LGI3: variants seen among roughly 807,000 people sequenced by gnomAD.
LGI3 encodes leucine-rich repeat LGI family member 3.
LGI3 carries 47 observed loss-of-function variants against 55.4 expected under a neutral mutation model. That is an observed-to-expected ratio of 0.85 (90% confidence interval 0.67 to 1.08). The LOEUF is 1.08. LGI3 is among the 50% of genes least tolerant of loss of function. The pLI is 0.00. For missense variants in LGI3, 664 were observed against 726.3 expected (o/e 0.91, Z 0.99); for synonymous variants, 326 against 315.0 (o/e 1.04, Z -0.37).
intron 2 of LGI3, 150 bp downstream of exon 2, chr8:22,155,242 G>A (rs1245497637): frequency 1.4e-6 from 1 of 737,344 alleles, no homozygotes; most frequent in African/African-American, 1.8e-5. Context: ...CCCGTCTTTT[G>A]GGTACATCCT....
intron 2 of LGI3, 108 bp from the exon 3 acceptor site, chr8:22,154,739 C>T (rs1034245210): frequency 1.2e-6 from 1 of 845,108 alleles, no homozygotes; most frequent in African/African-American, 1.7e-5. Flanking sequence ...TGCCCTGCTG[C>T]TACCCCTGGG....
chr8:22,152,927 G>C (rs1392151563), intron 5 of LGI3, among the ~76,000 whole-genome samples: 1 of 150,076 alleles, frequency 6.7e-6, no homozygotes, highest in Non-Finnish European at 1.5e-5. Flanking sequence ...GTGCATGCCT[G>C]TAATCCCAGC....
At chr8:22,149,008 G>A (rs1404703759) in intron 7 of LGI3, 31 bp from the exon 8 acceptor site, 7 of 1,528,258 alleles carry the variant, frequency 4.6e-6, no homozygotes, top group South Asian at 1.2e-5. Flanking sequence ...ACAGCATCAG[G>A]CAGGCCGGCG....
chr8:22,155,476 C>G lies in LGI3; in HGVS notation c.207-13G>C. On this transcript the variant is annotated splice_polypyrimidine_tract_variant and intron_variant, in intron 1 of 7. Transcript: ENST00000306317. The stretch of plus-strand genomic sequence containing the variant: ...ATTCACCAGGGTCCTGCGGGGACAC[C>G]CGAGTCAGTACTGTGGGGTCTGCAA... 1.2e-6 allele frequency: 2 copies of G among 1,612,774 alleles called. No homozygotes were observed. The highest frequency in any genetic ancestry group is 2.2e-5 in the South Asian group (2 of 91,068).
intron 7 of LGI3, 50 bp downstream of exon 7, chr8:22,151,438 CT>C: frequency 6.3e-7 from 1 of 1,575,904 alleles, no homozygotes; most frequent in South Asian, 1.1e-5. Context: ...ATGGAGCCCA[CT>C]CCCCCCTCCC....
Position 22,147,048 on chromosome 8 carries a change from G to A in LGI3, c.*1112C>T, listed in dbSNP as rs947986608. 6.6e-6 allele frequency: 1 copy of A among 152,218 alleles called. No homozygotes were observed. Among genetic ancestry groups the A allele is most frequent in the African/African-American group, 2.4e-5 (1 of 41,450 alleles). 9.4% of individuals were successfully genotyped at this position (152,218 alleles called of 1,614,324 possible). Reference sequence around the variant, plus strand: ...GTCCACTGAAAGGCAGTGCTCCTGGGGGCCTCTGTGGACTGGTGGGGCCAG... The same window carrying A: ...GTCCACTGAAAGGCAGTGCTCCTGGAGGCCTCTGTGGACTGGTGGGGCCAG... On this transcript the variant is annotated 3_prime_UTR_variant, in exon 8 of 8. Coordinates refer to ENST00000306317, the MANE Select transcript of LGI3 (RefSeq NM_139278.4).
At chr8:22,154,113 T>G (rs181436484) in intron 4 of LGI3, 29 bp downstream of exon 4, 1 of 1,612,374 alleles carries the variant, frequency 6.2e-7, no homozygotes, top group Non-Finnish European at 8.5e-7. Context: ...GGGGCTTTGG[T>G]GCAGTGTGTG....
Position 22,154,446 on chromosome 8 carries a change from AT to A in LGI3, c.350+113del, listed in dbSNP as rs531468424. The A allele has an allele frequency of 5.5e-4, 534 of 977,742 alleles. 2 individuals carry two copies. The highest frequency in any genetic ancestry group is 8.2e-4 in the Non-Finnish European group (501 of 610,246). 60.6% of individuals were successfully genotyped at this position (977,742 alleles called of 1,614,324 possible). A position where few individuals can be genotyped will look rare whatever the true frequency, so the allele number is the denominator to read the frequency against. On this transcript the variant is annotated intron_variant, in intron 3 of 7. Coordinates refer to ENST00000306317, the MANE Select transcript of LGI3 (RefSeq NM_139278.4). ...CGGGATGCAAGGGCTCTCGCCTCCC[AT>A]CACCTTCCCTTCCTGCGGCATTCTC...
chr8:22,148,402 C>G lies in LGI3; in HGVS notation c.1405G>C (p.Ala469Pro). The G allele has an allele frequency of 6.2e-7, 1 of 1,612,736 alleles. No individual in the cohort carries two copies. Among genetic ancestry groups the G allele is most frequent in the Non-Finnish European group, 8.5e-7 (1 of 1,179,816 alleles). The change falls in exon 8 of 8, where the codon GCC becomes CCC. Residue 469 changes from alanine to proline, a missense_variant. Transcript: ENST00000306317. The surrounding 1 kb of genome is among the most constrained non-coding windows in gnomAD (Gnocchi z 7.0). ...VQALPSRGSL[A>P]LQPFLVGGRR... ...CCACCCACAAGGAAGGGCTGCAGGG[C>G]CAGCGAGCCCCGGGAGGGCAGGGCC... is the stretch of plus-strand genomic sequence containing the variant.
At chr8:22,150,013 T>G (rs1228901829) in intron 7 of LGI3, among the ~76,000 whole-genome samples, 1 of 152,144 alleles carries the variant, frequency 6.6e-6, no homozygotes, top group African/African-American at 2.4e-5. Context: ...TCCTCCTCTG[T>G]TCTTGATTTC....
rs1827450545 is a variant in LGI3 at position 22,153,967 on chromosome 8, C to G, written c.494+1G>C. On this transcript the variant is annotated splice_donor_variant, in intron 5 of 7. Coordinates refer to ENST00000306317, the MANE Select transcript of LGI3 (RefSeq NM_139278.4). LOFTEE classifies it high-confidence loss of function. ...TGGAAGAGGCAGGACTCAGGCCTTA[C>G]AAGTCATTCAGGATGTCCAGGGGCC... The G allele has an allele frequency of 1.2e-6, 2 of 1,613,858 alleles. No homozygotes were observed. Among genetic ancestry groups the G allele is most frequent in the African/African-American group, 2.7e-5 (2 of 75,048 alleles).
rs751943191 is a variant in LGI3, at chr8:22,151,573, G to C, written c.745C>G (p.Leu249Val). The C allele has an allele frequency of 1.2e-6, 2 of 1,614,114 alleles. No homozygotes were observed. Among genetic ancestry groups the C allele is most frequent in the East Asian group, 4.5e-5 (2 of 44,880 alleles). The change falls in exon 7 of 8, where the codon CTG becomes GTG. Residue 249 changes from leucine (L) to valine (V), a missense_variant. Coordinates refer to ENST00000306317, the MANE Select transcript of LGI3 (RefSeq NM_139278.4). ...CAGGCACTGACTCCTGGCTGGGCCA[G>C]AGCCAAATAGAGGTCACTGGAGTAG... ...FLYSSDLYLA[L>V]AQPGVSACTI...
chr8:22,154,142 A>T lies in LGI3; in HGVS notation c.422T>A (p.Leu141His), dbSNP rs2131796689. Residue 141 changes from leucine (L) to histidine (H), a missense_variant and splice_region_variant, in exon 4 of 8, where the codon CTC becomes CAC. By Grantham distance (99) the Leu-to-His change is moderately conservative. Transcript: ENST00000306317. The part of the protein sequence containing the change: ...TFRGLKSLTH[L>H]SLANNNLQTL... ...GTGTGTGTATGTGTGACGTACTCAC[A>T]GGTGAGTCAAGGACTTGAGTCCTCG... 6.2e-7 allele frequency: 1 copy of T among 1,612,384 alleles called. No homozygotes were observed. The highest frequency in any genetic ancestry group is 8.5e-7 in the Non-Finnish European group (1 of 1,178,386).
chr8:22,147,676 C>T lies in LGI3; in HGVS notation c.*484G>A, dbSNP rs76289859. 2,564 of 166,442 alleles carry T rather than the reference C, an allele frequency of 0.015. 71 individuals carry two copies. The highest frequency in any genetic ancestry group is 0.057 in the African/African-American group (2,390 of 41,636). 10.3% of individuals were successfully genotyped at this position (166,442 alleles called of 1,614,324 possible). ...GTCCGCGTCCATGTGAGCATGCAGA[C>T]GGGGTGGGGCAGGGGTGAGTGGCCC... On this transcript the variant is annotated 3_prime_UTR_variant, in exon 8 of 8. Transcript: ENST00000306317.
intron 6 of LGI3, 69 bp from the exon 7 acceptor site, chr8:22,151,722 T>G: frequency 6.3e-7 from 1 of 1,576,836 alleles, no homozygotes; most frequent in Non-Finnish European, 8.7e-7. Context: ...TGATGGTGGT[T>G]GCTTTACTGC....
chr8:22,155,903 G>A (rs1827487632), intron 1 of LGI3, among the ~76,000 whole-genome samples: 1 of 152,266 alleles, frequency 6.6e-6, no homozygotes, highest in Admixed American at 6.5e-5. Flanking sequence ...GCCGAGCTGA[G>A]TGCCAAGTGG....
chr8:22,148,421 C>A lies in LGI3; in HGVS notation c.1386G>T (p.Leu462=). ...EGTRFSEVQA[L]PSRGSLALQP... is the part of the protein sequence containing the mutation. ...GCAGGGCCAGCGAGCCCCGGGAGGG[C>A]AGGGCCTGCACCTCCGAGAAGCGGG... The change falls in exon 8 of 8, where the codon CTG becomes CTT. Residue 462 remains leucine, a synonymous_variant. Coordinates refer to ENST00000306317, the MANE Select transcript of LGI3 (RefSeq NM_139278.4). The surrounding 1 kb of genome is among the most constrained non-coding windows in gnomAD (Gnocchi z 7.0). The A allele has an allele frequency of 6.2e-7, 1 of 1,612,482 alleles. No homozygotes were observed. Among genetic ancestry groups the A allele is most frequent in the Non-Finnish European group, 8.5e-7 (1 of 1,179,908 alleles).
Position 22,153,971 on chromosome 8 carries a change from T to C in LGI3, c.491A>G (p.Asp164Gly). 1 of 1,613,866 alleles carries C rather than the reference T, an allele frequency of 6.2e-7. No individual in the cohort carries two copies. The highest frequency in any genetic ancestry group is 1.7e-5 in the Admixed American group (1 of 60,032). Residue 164 changes from aspartate (D) to glycine (G), a missense_variant, in exon 5 of 8, where the codon GAC (aspartate) becomes GGC (glycine). By Grantham distance (94) the Asp-to-Gly change is moderately conservative. Coordinates refer to ENST00000306317, the MANE Select transcript of LGI3 (RefSeq NM_139278.4). ...DIFRPLDILN[D>G]LDLRGNSLNC... is the part of the protein sequence containing the mutation. ...AGAGGCAGGACTCAGGCCTTACAAGTCATTCAGGATGTCCAGGGGCCGGAA... is the reference window on the plus strand; with the variant it reads ...AGAGGCAGGACTCAGGCCTTACAAGCCATTCAGGATGTCCAGGGGCCGGAA...
intron 7 of LGI3, among the ~76,000 whole-genome samples, chr8:22,150,772 G>A (rs1398549386): frequency 6.6e-5 from 10 of 151,864 alleles, no homozygotes; most frequent in African/African-American, 2.2e-4. Context: ...CTGCCCTCAT[G>A]TATGGCCCCA....
Sources: allele counts gnomAD v4.1 joint callset (sites outside exome capture counted in the v4.1 genomes callset), GRCh38; gene constraint gnomAD v4.1.1; non-coding constraint Gnocchi (gnomAD v3.1); transcripts MANE v1.5; gene names NCBI Gene and HGNC (gene_info 2026-07-23, HGNC 2026-07-21).